CFAP58: variants seen among roughly 807,000 people sequenced by gnomAD.
The protein encoded by CFAP58 is cilia and flagella associated protein 58.
In CFAP58, 88 loss-of-function variants were observed where a neutral mutation model predicts 119.5. The ratio of observed to expected loss-of-function variants is 0.74; its 90% CI spans 0.62 to 0.88. CFAP58 has a LOEUF of 0.88. CFAP58 is among the 40% of genes least tolerant of loss of function. The pLI, the probability that CFAP58 is intolerant of heterozygous loss-of-function variation, is 0.00. For missense variants in CFAP58, 990 were observed against 1,021.2 expected (o/e 0.97, Z 0.42); for synonymous variants, 365 against 366.3 (o/e 1.00, Z 0.04).
intron 13 of CFAP58, among the ~76,000 whole-genome samples, chr10:104,402,187 G>A (rs2012277860): frequency 6.6e-6 from 1 of 152,162 alleles, no homozygotes; most frequent in Non-Finnish European, 1.5e-5. Flanking sequence ...CTGAGCTTTG[G>A]ACTTGGTGTC....
intron 15 of CFAP58, among the ~76,000 whole-genome samples, chr10:104,446,273 C>T (rs1050465702): frequency 1.2e-4 from 19 of 152,172 alleles, no homozygotes; most frequent in African/African-American, 3.1e-4. Flanking sequence ...TTCTTTGGCA[C>T]GGGCTTTTGG....
intron 8 of CFAP58, among the ~76,000 whole-genome samples, chr10:104,378,282 A>G (rs2011710210): frequency 6.6e-6 from 1 of 152,228 alleles, no homozygotes. Context: ...CAACATGAAT[A>G]TATTTTGATT....
chr10:104,451,150 G>A (rs2133102718), intron 17 of CFAP58, among the ~76,000 whole-genome samples: 1 of 152,286 alleles, frequency 6.6e-6, no homozygotes, highest in South Asian at 2.1e-4. Flanking sequence ...TAATCTTGTA[G>A]TGACTCACGT....
intron 11 of CFAP58, among the ~76,000 whole-genome samples, chr10:104,395,166 G>A (rs2012125959): frequency 6.6e-6 from 1 of 152,072 alleles, no homozygotes; most frequent in Admixed American, 6.5e-5. Flanking sequence ...ATTCCTCAGA[G>A]TTTGACTTTA....
chr10:104,413,221 GT>G (rs912766557), intron 15 of CFAP58, among the ~76,000 whole-genome samples: 3 of 152,092 alleles, frequency 2.0e-5, no homozygotes, highest in Non-Finnish European at 4.4e-5. Context: ...TGGCCTTTGC[GT>G]TTTTTTATTG....
intron 15 of CFAP58, among the ~76,000 whole-genome samples, chr10:104,413,499 T>C (rs537270731): frequency 1.8e-4 from 27 of 152,326 alleles, no homozygotes; most frequent in African/African-American, 6.3e-4. Flanking sequence ...CTCACCAAGC[T>C]ACTCTCCCCT....
At position 104,416,896 on chromosome 10, in the gene CFAP58, T is replaced by C. The variant is rs576387028; in HGVS notation, c.2256+10103T>C. ...ATGTGGTGTAAGAACACTGTGGTCATTGAATTTATCATGTATAGATTGCCT... is the reference window on the plus strand; with the variant it reads ...ATGTGGTGTAAGAACACTGTGGTCACTGAATTTATCATGTATAGATTGCCT... On this transcript the variant is annotated intron_variant, in intron 15 of 17. Coordinates refer to ENST00000369704, the MANE Select transcript of CFAP58 (RefSeq NM_001008723.2). 5.9e-5 allele frequency among the ~76,000 whole-genome samples: 9 copies of C among 152,326 alleles called. No individual in the cohort carries two copies. In the South Asian group the frequency reaches 8.3e-4, roughly 14 times the overall value.
intron 15 of CFAP58, among the ~76,000 whole-genome samples, chr10:104,435,472 A>T (rs1444252645): frequency 6.6e-6 from 1 of 152,182 alleles, no homozygotes; most frequent in Non-Finnish European, 1.5e-5. Context: ...ACAGAGTGAG[A>T]CCCTGTCTCT....
At position 104,371,027 on chromosome 10, in the gene CFAP58, A is replaced by C; in HGVS notation, c.1063A>C (p.Lys355Gln). 6.2e-7 allele frequency: 1 copy of C among 1,610,836 alleles called. No individual in the cohort carries two copies. Residue 355 changes from lysine (K) to glutamine (Q), a missense_variant, in exon 7 of 18, where the codon AAA becomes CAA. Coordinates refer to ENST00000369704, the MANE Select transcript of CFAP58 (RefSeq NM_001008723.2). ...AGTCGAACAGCACAAAGAAACCCTA[A>C]AAAATCAGATTGTGGGATTAGAGAG... ...AEVEQHKETL[K>Q]NQIVGLEREV...
Position 104,389,490 on chromosome 10 carries a change from C to T in CFAP58, c.1366-2743C>T, listed in dbSNP as rs909198666. 1.1e-4 allele frequency among the ~76,000 whole-genome samples: 16 copies of T among 152,178 alleles called. 1 individual carries two copies. Among genetic ancestry groups the T allele is most frequent in the East Asian group, 3.8e-4 (2 of 5,196 alleles). On this transcript the variant is annotated intron_variant, in intron 9 of 17. Coordinates refer to ENST00000369704, the MANE Select transcript of CFAP58 (RefSeq NM_001008723.2). ...CAAACAATTTTTTTCCTTTCTCTAA[C>T]GTGCTGCTTGATATTCTGAATGCTG... is the stretch of plus-strand genomic sequence containing the variant.
chr10:104,366,311 C>T (rs1406642541), intron 5 of CFAP58, among the ~76,000 whole-genome samples: 1 of 152,052 alleles, frequency 6.6e-6, no homozygotes, highest in Non-Finnish European at 1.5e-5. Flanking sequence ...TGAATTTTCA[C>T]CACTCAACCG....
chr10:104,419,620 G>A (rs1007397345), intron 15 of CFAP58, among the ~76,000 whole-genome samples: 1 of 147,104 alleles, frequency 6.8e-6, no homozygotes, highest in African/African-American at 2.5e-5. Context: ...CTTATTGTTT[G>A]TGTGTTCCTC....
chr10:104,430,308 A>T (rs2012823891), intron 15 of CFAP58, among the ~76,000 whole-genome samples: 1 of 152,236 alleles, frequency 6.6e-6, no homozygotes. Flanking sequence ...AGTAGACAGC[A>T]TTAAAAAGGG....
chr10:104,422,011 C>A (rs1424109729), intron 15 of CFAP58, among the ~76,000 whole-genome samples: 1 of 152,010 alleles, frequency 6.6e-6, no homozygotes, highest in Non-Finnish European at 1.5e-5. Context: ...TGTGATGAAA[C>A]CCTGTCTCTA....
chr10:104,362,546 A>G (rs1263922188), intron 3 of CFAP58, among the ~76,000 whole-genome samples: 1 of 152,076 alleles, frequency 6.6e-6, no homozygotes, highest in Non-Finnish European at 1.5e-5. Context: ...CCCACCCTTC[A>G]GATTCTAGGC....
At chr10:104,355,660 A>C (rs2014534364) in intron 1 of CFAP58, among the ~76,000 whole-genome samples, 1 of 152,254 alleles carries the variant, frequency 6.6e-6, no homozygotes, top group Non-Finnish European at 1.5e-5. Context: ...GAATAGGTGA[A>C]GAATAAAGAA....
chr10:104,388,141 A>T (rs2011962110), intron 9 of CFAP58, among the ~76,000 whole-genome samples: 1 of 152,216 alleles, frequency 6.6e-6, no homozygotes. Context: ...AAGGGAACAC[A>T]AATTATAAGC....
At chr10:104,397,891 G>A (rs192668470) in intron 11 of CFAP58, among the ~76,000 whole-genome samples, 2 of 152,270 alleles carry the variant, frequency 1.3e-5, no homozygotes, top group East Asian at 3.9e-4. Context: ...GCCCTATATA[G>A]TGCATGGCAC....
intron 15 of CFAP58, among the ~76,000 whole-genome samples, chr10:104,411,847 T>G (rs917869087): frequency 6.6e-6 from 1 of 152,082 alleles, no homozygotes; most frequent in Non-Finnish European, 1.5e-5. Flanking sequence ...ATTTCTATTG[T>G]ATCTTTTTGC....
Sources: allele counts gnomAD v4.1 joint callset (sites outside exome capture counted in the v4.1 genomes callset), GRCh38; gene constraint gnomAD v4.1.1; transcripts MANE v1.5; gene names NCBI Gene and HGNC (gene_info 2026-07-23, HGNC 2026-07-21).